RIMS2: variants seen among roughly 807,000 people sequenced by gnomAD.
RIMS2 encodes regulating synaptic membrane exocytosis 2, also known as regulating synaptic membrane exocytosis protein 2.
Under a neutral mutation model 174.4 loss-of-function variants are expected in RIMS2, and 59 were observed. The observed-to-expected ratio is 0.34, with a 90% CI of 0.27 to 0.42. The LOEUF is 0.42. Among genes scored for constraint, RIMS2 ranks in the 10% least tolerant of loss-of-function variants. The pLI is 1.00. For missense variants in RIMS2, 1,620 were observed against 1,666.3 expected (o/e 0.97, Z 0.48); for synonymous variants, 606 against 572.5 (o/e 1.06, Z -0.84).
intron 2 of RIMS2, among the ~76,000 whole-genome samples, chr8:103,760,889 T>C: frequency 6.6e-6 from 1 of 152,222 alleles, no homozygotes; most frequent in East Asian, 1.9e-4. Context: ...AAATAAATAA[T>C]GAATTGGTGT....
At chr8:104,154,963 C>CTT (rs71575999) in intron 19 of RIMS2, among the ~76,000 whole-genome samples, 3 of 149,414 alleles carry the variant, frequency 2.0e-5, no homozygotes, top group Admixed American at 6.7e-5. Flanking sequence ...GTAGAGTTTA[C>CTT]TTTTTTTTTT....
At chr8:104,021,550 T>C (rs2096089435) in intron 19 of RIMS2, among the ~76,000 whole-genome samples, 1 of 152,214 alleles carries the variant, frequency 6.6e-6, no homozygotes, top group Non-Finnish European at 1.5e-5. Context: ...TGTATTTAGG[T>C]GCATTTAAAT....
chr8:103,613,996 T>C (rs879407622), intron 1 of RIMS2, among the ~76,000 whole-genome samples: 3 of 152,176 alleles, frequency 2.0e-5, no homozygotes, highest in Non-Finnish European at 4.4e-5. Flanking sequence ...CCGTGTTGGG[T>C]GTTCAGGAAG....
At chr8:104,146,450 A>T (rs773244364) in intron 19 of RIMS2, among the ~76,000 whole-genome samples, 1 of 152,164 alleles carries the variant, frequency 6.6e-6, no homozygotes, top group Non-Finnish European at 1.5e-5. Flanking sequence ...TAGGTTGAAG[A>T]GAAGTGCACT....
intron 1 of RIMS2, among the ~76,000 whole-genome samples, chr8:103,641,713 C>G (rs931321756): frequency 2.6e-5 from 4 of 151,888 alleles, no homozygotes; most frequent in Admixed American, 2.6e-4. Context: ...TCATCTTGTT[C>G]GTTCTCATGA....
chr8:104,164,420 T>A (rs60389381), intron 19 of RIMS2, among the ~76,000 whole-genome samples: 14 of 50,000 alleles, frequency 2.8e-4, no homozygotes, highest in Admixed American at 1.8e-3. Context: ...TCCAAAAAAA[T>A]AAGGACAAAA....
At chr8:103,756,979 C>CTGTGTGTGTGTGTG (rs71575983) in intron 2 of RIMS2, among the ~76,000 whole-genome samples, 1 of 134,960 alleles carries the variant, frequency 7.4e-6, no homozygotes, top group Non-Finnish European at 1.6e-5. Flanking sequence ...GTGTGTGTGT[C>CTGTGTGTGTGTGTG]TGTGTGTGTG....
chr8:104,217,229 A>G (rs985486690), intron 19 of RIMS2, among the ~76,000 whole-genome samples: 1 of 151,822 alleles, frequency 6.6e-6, no homozygotes, highest in Non-Finnish European at 1.5e-5. Context: ...AATACTAATC[A>G]TTTAATCTTT....
chr8:104,093,079 G>A (rs1255079804), intron 19 of RIMS2, among the ~76,000 whole-genome samples: 5 of 151,802 alleles, frequency 3.3e-5, no homozygotes, highest in African/African-American at 4.8e-5. Context: ...TTATCTCTAG[G>A]TTTTCAGTGA....
At chr8:103,908,356 A>T (rs2074959768) in intron 4 of RIMS2, among the ~76,000 whole-genome samples, 1 of 152,206 alleles carries the variant, frequency 6.6e-6, no homozygotes. Context: ...TTTAAGTTTT[A>T]TTACACCTTG....
At chr8:103,702,999 TGAGACAA>T (rs2097184845) in intron 2 of RIMS2, among the ~76,000 whole-genome samples, 1 of 151,042 alleles carries the variant, frequency 6.6e-6, no homozygotes, top group Admixed American at 6.6e-5. Context: ...TTTTTTTTTT[TGAGACAA>T]GATCTCAGTT....
chr8:103,786,131 T>C (rs1228457906), intron 3 of RIMS2, among the ~76,000 whole-genome samples: 1 of 152,182 alleles, frequency 6.6e-6, no homozygotes, highest in Non-Finnish European at 1.5e-5. Context: ...CTTTATCATT[T>C]TTTATTGCGT....
Position 103,898,014 on chromosome 8 carries a change from C to G in RIMS2, c.1624+11791C>G, listed in dbSNP as rs183887540. On this transcript the variant is annotated intron_variant, in intron 4 of 23. Transcript: ENST00000504942. ...GAATCCAAAGAGATGACCTACCACG[C>G]GTTGTGCTTCCTTCTCATTGGTGGT... is the stretch of plus-strand genomic sequence containing the variant. Among the ~76,000 whole-genome samples, 21 of 151,626 alleles carry G rather than the reference C, an allele frequency of 1.4e-4. 1 individual carries two copies. Among genetic ancestry groups the G allele is most frequent in the African/African-American group, 4.1e-4 (17 of 41,040 alleles).
chr8:104,094,443 A>T (rs1293686502), intron 19 of RIMS2: 5 of 604,554 alleles, frequency 8.3e-6, no homozygotes, highest in Non-Finnish European at 1.2e-5. Context: ...TTGTGTGTTT[A>T]TTTGCATGCC....
At chr8:103,865,882 A>G (rs1289776200) in intron 3 of RIMS2, among the ~76,000 whole-genome samples, 1 of 152,096 alleles carries the variant, frequency 6.6e-6, no homozygotes. Flanking sequence ...CTTTTCTAAC[A>G]CTGGAAAATT....
chr8:103,514,914 AC>A (rs1828235584), intron 1 of RIMS2, among the ~76,000 whole-genome samples: 1 of 144,670 alleles, frequency 6.9e-6, no homozygotes, highest in South Asian at 2.1e-4. Flanking sequence ...AACAACAACA[AC>A]AACAAAAAAA....
intron 1 of RIMS2, among the ~76,000 whole-genome samples, chr8:103,687,002 G>A (rs926443446): frequency 6.6e-6 from 1 of 152,038 alleles, no homozygotes; most frequent in African/African-American, 2.4e-5. Context: ...CTGTTTTCTG[G>A]GAGAGACTAT....
intron 19 of RIMS2, among the ~76,000 whole-genome samples, chr8:104,100,991 GTA>G (rs1372290953): frequency 7.9e-6 from 1 of 127,336 alleles, no homozygotes; most frequent in African/African-American, 3.1e-5. Context: ...ATATTATATA[GTA>G]TATGTTATAT....
At chr8:103,501,395 C>T (rs1334491166) in intron 1 of RIMS2, 2 of 164,132 alleles carry the variant, frequency 1.2e-5, no homozygotes, top group Middle Eastern at 2.5e-3. Flanking sequence ...AGGCTCTGTG[C>T]GTACCCTCTC....
Sources: gnomAD v4.1 joint callset for allele counts (sites outside exome capture counted in the v4.1 genomes callset) on GRCh38, gnomAD v4.1.1 for gene constraint, MANE v1.5 for transcripts, NCBI Gene and HGNC (gene_info 2026-07-23, HGNC 2026-07-21) for gene names.